ANK3: variants seen among roughly 807,000 people sequenced by gnomAD.
ANK3 encodes the protein ankyrin 3.
Under a neutral mutation model 370.9 loss-of-function variants are expected in ANK3, and 57 were observed. The ratio of observed to expected loss-of-function variants is 0.15; its 90% CI spans 0.12 to 0.19. The LOEUF is 0.19. Among genes scored for constraint, ANK3 ranks in the 10% least tolerant of loss-of-function variants. ANK3 has a pLI of 1.00. For missense variants in ANK3, 4,439 were observed against 5,302.1 expected (o/e 0.84, Z 5.06); for synonymous variants, 1,929 against 1,946.3 (o/e 0.99, Z 0.23).
At chr10:60,641,089 C>G (rs1166054288) in intron 1 of ANK3, among the ~76,000 whole-genome samples, 1 of 150,674 alleles carries the variant, frequency 6.6e-6, no homozygotes, top group Non-Finnish European at 1.5e-5. Flanking sequence ...TGAAGGACCT[C>G]TTCAAGGAGA....
At chr10:60,688,137 T>C (rs1466753889) in intron 1 of ANK3, among the ~76,000 whole-genome samples, 1 of 152,306 alleles carries the variant, frequency 6.6e-6, no homozygotes, top group East Asian at 1.9e-4. Flanking sequence ...TGGCGTGGTC[T>C]CGGCTCACTG....
intron 1 of ANK3, among the ~76,000 whole-genome samples, chr10:60,656,305 G>A (rs777401607): frequency 2.0e-5 from 3 of 152,088 alleles, no homozygotes; most frequent in Non-Finnish European, 4.4e-5. Flanking sequence ...AGTTGTTAAT[G>A]ATATTCCAGT....
intron 43 of ANK3, among the ~76,000 whole-genome samples, chr10:60,034,922 T>C (rs1357249357): frequency 6.6e-6 from 1 of 152,202 alleles, no homozygotes; most frequent in African/African-American, 2.4e-5. Context: ...AATTCCCAAT[T>C]CAGGTAGCTT....
At chr10:60,186,685 G>A (rs1471381557) in intron 17 of ANK3, 30 bp downstream of exon 17, 16 of 1,608,834 alleles carry the variant, frequency 9.9e-6, no homozygotes, top group Non-Finnish European at 1.4e-5. Context: ...TTGGTGTGCT[G>A]CATGCTTTGT....
chr10:60,293,006 G>T (rs979921284), intron 1 of ANK3, among the ~76,000 whole-genome samples: 2 of 152,090 alleles, frequency 1.3e-5, no homozygotes, highest in Non-Finnish European at 2.9e-5. Flanking sequence ...ACCAAGCCCC[G>T]CCCAGGGTCC....
At chr10:60,463,715 G>C (rs1301205255) in intron 2 of ANK3, among the ~76,000 whole-genome samples, 1 of 128,216 alleles carries the variant, frequency 7.8e-6, no homozygotes, top group Non-Finnish European at 1.7e-5. Flanking sequence ...TTTTCCAGGA[G>C]ATTTTTTTTT....
chr10:60,445,299 G>T lies in ANK3; in HGVS notation c.97-165660C>A, dbSNP rs560792149. 2.0e-5 allele frequency among the ~76,000 whole-genome samples: 3 copies of T among 151,932 alleles called. No homozygotes were observed. The South Asian group carries it at 6.2e-4, about 32-fold the overall frequency. ...CAGCTACTTGGGAGGCTAAGATGGGGGGATTGTTTGAACCCAGGAGGCAGA... is the reference window on the plus strand; with the variant it reads ...CAGCTACTTGGGAGGCTAAGATGGGTGGATTGTTTGAACCCAGGAGGCAGA... On this transcript the variant is annotated intron_variant, in intron 2 of 43. Transcript: ENST00000373827.
chr10:60,124,909 A>G (rs547163252), intron 25 of ANK3, among the ~76,000 whole-genome samples: 47 of 152,320 alleles, frequency 3.1e-4, no homozygotes, highest in African/African-American at 1.1e-3. Context: ...AGCCAAAAGC[A>G]CGAAATGAGA....
chr10:60,206,790 G>A (rs764186976), intron 10 of ANK3, among the ~76,000 whole-genome samples: 16 of 152,134 alleles, frequency 1.1e-4, no homozygotes, highest in Admixed American at 3.3e-4. Flanking sequence ...CCTGCCTGCC[G>A]ATTGAGACTG....
chr10:60,115,751 T>C (rs1348930993), intron 25 of ANK3, among the ~76,000 whole-genome samples: 1 of 151,582 alleles, frequency 6.6e-6, no homozygotes, highest in African/African-American at 2.4e-5. Context: ...AAATGAAGGA[T>C]AGGTTAAAAA....
chr10:60,374,515 G>T lies in ANK3; in HGVS notation c.114+14910C>A, dbSNP rs75585126. 5.3e-5 allele frequency among the ~76,000 whole-genome samples: 8 copies of T among 152,282 alleles called. No homozygotes were observed. The East Asian group carries it at 1.5e-3, about 29-fold the overall frequency. On this transcript the variant is annotated intron_variant, in intron 1 of 43. Transcript: ENST00000280772. The stretch of plus-strand genomic sequence containing the variant: ...CAAAGACCCACAGTGACAAAGTAGG[G>T]TATGCTCTGGGGATGGTGAAAAGTA...
At chr10:60,549,795 T>C (rs556147221) in intron 2 of ANK3, among the ~76,000 whole-genome samples, 36 of 152,260 alleles carry the variant, frequency 2.4e-4, no homozygotes, top group Admixed American at 4.6e-4. Context: ...CATATACAGG[T>C]ACATAGAAGG....
At chr10:60,680,305 C>T (rs1589017390) in intron 1 of ANK3, among the ~76,000 whole-genome samples, 1 of 152,216 alleles carries the variant, frequency 6.6e-6, no homozygotes, top group South Asian at 2.1e-4. Flanking sequence ...CTGCTGCTCG[C>T]ACCACAGTAA....
chr10:60,729,424 A>G (rs1164922117), intron 1 of ANK3, among the ~76,000 whole-genome samples: 2 of 152,230 alleles, frequency 1.3e-5, no homozygotes, highest in African/African-American at 4.8e-5. Context: ...TCTTCAAAAC[A>G]CATAGGAAAA....
At chr10:60,624,778 T>C (rs2078386199) in intron 1 of ANK3, among the ~76,000 whole-genome samples, 3 of 148,390 alleles carry the variant, frequency 2.0e-5, no homozygotes, top group African/African-American at 4.9e-5. Context: ...TAGAACTTTA[T>C]AGAAAACAAA....
At chr10:60,579,102 G>A (rs984846415) in intron 2 of ANK3, among the ~76,000 whole-genome samples, 1 of 151,900 alleles carries the variant, frequency 6.6e-6, no homozygotes, top group Admixed American at 6.6e-5. Context: ...TGAGGCAGGC[G>A]GATCATGAAG....
At chr10:60,144,212 G>T in intron 23 of ANK3, 1 of 447,378 alleles carries the variant, frequency 2.2e-6, no homozygotes, top group South Asian at 1.6e-5. Context: ...CTGTAATTTT[G>T]TAATAGGTAA....
chr10:60,308,458 T>C (rs1049602112), intron 1 of ANK3, among the ~76,000 whole-genome samples: 1 of 151,934 alleles, frequency 6.6e-6, no homozygotes, highest in South Asian at 2.1e-4. Context: ...ATAATTTTAG[T>C]AGAGATGGGG....
chr10:60,303,598 G>A (rs2044301546), intron 1 of ANK3, among the ~76,000 whole-genome samples: 1 of 152,134 alleles, frequency 6.6e-6, no homozygotes, highest in Non-Finnish European at 1.5e-5. Context: ...ATAAGTGTTG[G>A]TGAGGATGCA....
Sources: allele counts gnomAD v4.1 joint callset (sites outside exome capture counted in the v4.1 genomes callset), GRCh38; gene constraint gnomAD v4.1.1; transcripts MANE v1.5; gene names NCBI Gene and HGNC (gene_info 2026-07-23, HGNC 2026-07-21).